The following AHRR variants were observed in gnomAD, a reference collection of about 807,000 sequenced individuals.
The protein encoded by AHRR is ahR repressor.
AHRR carries 28 observed loss-of-function variants against 44.0 expected under a neutral mutation model. The ratio of observed to expected loss-of-function variants is 0.64; its 90% confidence interval spans 0.47 to 0.87. The LOEUF (loss-of-function observed/expected upper bound fraction) is 0.87. AHRR is among the 40% of genes least tolerant of loss of function. The probability of loss-of-function intolerance (pLI) is 0.00; values close to 1 mark genes in which losing one functional copy is unlikely to be tolerated. For synonymous variants in AHRR, 434 were observed against 407.0 expected (o/e 1.07, Z -0.80); for missense variants, 990 against 953.9 (o/e 1.04, Z -0.50).
chr5:433,788 C>T, intron 10 of AHRR, 65 bp from the exon 11 acceptor site: 1 of 1,425,286 alleles, frequency 7.0e-7, no homozygotes, highest in South Asian at 1.6e-5. Context: ...TAGAGACCCC[C>T]ACCCAGGGCA....
intron 3 of AHRR, among the ~76,000 whole-genome samples, chr5:368,728 C>T (rs1251895116): frequency 1.3e-5 from 2 of 152,230 alleles, no homozygotes; most frequent in Non-Finnish European, 1.5e-5. Flanking sequence ...CTGAGGCCCC[C>T]GGGTTCTGTG....
At chr5:425,270 C>T (rs1267826366) in intron 7 of AHRR, among the ~76,000 whole-genome samples, 1 of 152,244 alleles carries the variant, frequency 6.6e-6, no homozygotes, top group African/African-American at 2.4e-5. Context: ...CACGCACACG[C>T]CCCAGGGCAC....
At chr5:382,577 A>ATT (rs139013876) in intron 4 of AHRR, among the ~76,000 whole-genome samples, 3 of 150,584 alleles carry the variant, frequency 2.0e-5, no homozygotes, top group Non-Finnish European at 4.4e-5. Context: ...AATTTTACTG[A>ATT]TTTTTTTTCA....
intron 8 of AHRR, 67 bp downstream of exon 8, chr5:428,073 C>T: frequency 1.3e-6 from 2 of 1,494,966 alleles, no homozygotes; most frequent in Non-Finnish European, 1.8e-6. Context: ...CACCTCCACA[C>T]TCAGTGTTTT....
chr5:432,282 T>G, intron 8 of AHRR, 181 bp from the exon 9 acceptor site: 1 of 606,282 alleles, frequency 1.6e-6, no homozygotes, highest in Non-Finnish European at 2.9e-6. Context: ...AACCTGTAAC[T>G]GAGAAAATAA....
chr5:399,035 T>C (rs781588353), intron 4 of AHRR, among the ~76,000 whole-genome samples: 3 of 152,222 alleles, frequency 2.0e-5, no homozygotes, highest in Non-Finnish European at 2.9e-5. Flanking sequence ...TTCCCTGCCA[T>C]TGGTTTCCTA....
At position 434,214 on chromosome 5, in the gene AHRR, C is replaced by T; in HGVS notation, c.1474C>T (p.Leu492Phe). Residue 492 changes from leucine (L) to phenylalanine (F), a missense_variant, in exon 11 of 11, where the codon CTC (leucine) becomes TTC (phenylalanine). By Grantham distance (22) the Leu-to-Phe change is conservative. Transcript: ENST00000684583. ...HFPQRSLQHQ[L>F]PQPGAQRFAT... Reference sequence around the variant, plus strand: ...TCCCCAGAGGAGCCTGCAGCACCAGCTCCCTCAGCCTGGAGCTCAGCGTTT... The same window carrying T: ...TCCCCAGAGGAGCCTGCAGCACCAGTTCCCTCAGCCTGGAGCTCAGCGTTT... 6.3e-7 allele frequency: 1 copy of T among 1,588,910 alleles called. No individual in the cohort carries two copies. Among genetic ancestry groups the T allele is most frequent in the Non-Finnish European group, 8.6e-7 (1 of 1,167,678 alleles).
At position 434,351 on chromosome 5, in the gene AHRR, G is replaced by C. The variant is rs760367504; in HGVS notation, c.1611G>C (p.Lys537Asn). 16 of 1,613,158 alleles carry C rather than the reference G, an allele frequency of 9.9e-6. No individual in the cohort carries two copies. In the South Asian group the frequency reaches 1.8e-4, roughly 18 times the overall value. The change falls in exon 11 of 11, where the codon AAG becomes AAC. Residue 537 changes from lysine to asparagine, a missense_variant. Transcript: ENST00000684583. ...TAGATGTGTCCATCAAGATGGAGAA[G>C]GACTCTGGGTGTGAGGGTGCTGCAG... ...LLLDVSIKMEKDSGCEGAADG... is the reference protein window; with the variant it reads ...LLLDVSIKMENDSGCEGAADG...
chr5:433,978 G>T lies in AHRR; in HGVS notation c.1238G>T (p.Arg413Met). 8 of 1,569,060 alleles carry T rather than the reference G, an allele frequency of 5.1e-6. No homozygotes were observed. Among genetic ancestry groups the T allele is most frequent in the Non-Finnish European group, 6.9e-6 (8 of 1,157,558 alleles). Reference protein sequence around the residue: ...TAGKHSEDGARPRLQPSKNDP... With the variant: ...TAGKHSEDGAMPRLQPSKNDP... ...GGAAAGCACAGTGAGGATGGTGCCA[G>T]GCCGAGGCTGCAGCCCAGCAAGAAT... The change falls in exon 11 of 11, where the codon AGG becomes ATG. Residue 413 changes from arginine (R) to methionine (M), a missense_variant. Coordinates refer to ENST00000684583, the MANE Select transcript of AHRR (RefSeq NM_001377236.1).
Position 356,366 on chromosome 5 carries a change from C to T in AHRR, c.244+2455C>T, listed in dbSNP as rs540773645. Among the ~76,000 whole-genome samples the T allele has an allele frequency of 9.8e-5, 15 of 152,338 alleles. No individual in the cohort carries two copies. In the South Asian group the frequency reaches 1.7e-3, roughly 17 times the overall value. On this transcript the variant is annotated intron_variant, in intron 3 of 10. Transcript: ENST00000684583. ...CTGACCAGGAAGGGTCCAGAAGCCCCGGCTCTGTTGCTGAAGCCCAGTTGT... is the reference window on the plus strand; with the variant it reads ...CTGACCAGGAAGGGTCCAGAAGCCCTGGCTCTGTTGCTGAAGCCCAGTTGT...
intron 4 of AHRR, among the ~76,000 whole-genome samples, chr5:412,072 A>G (rs1735489453): frequency 6.6e-6 from 1 of 152,132 alleles, no homozygotes; most frequent in Non-Finnish European, 1.5e-5. Flanking sequence ...AATAAAGGAA[A>G]ACGCCACATC....
intron 5 of AHRR, among the ~76,000 whole-genome samples, chr5:417,731 T>TAAA (rs57776750): frequency 6.7e-6 from 1 of 149,422 alleles, no homozygotes; most frequent in African/African-American, 2.5e-5. Flanking sequence ...CATGAGAAGT[T>TAAA]AAAAAAAAAA....
intron 1 of AHRR, among the ~76,000 whole-genome samples, chr5:339,667 T>C (rs1742264406): frequency 6.6e-6 from 1 of 152,216 alleles, no homozygotes; most frequent in Non-Finnish European, 1.5e-5. Context: ...ATGTTAGCTA[T>C]AGGCTTTTGT....
At chr5:346,564 G>T (rs1212098384) in intron 2 of AHRR, among the ~76,000 whole-genome samples, 1 of 152,178 alleles carries the variant, frequency 6.6e-6, no homozygotes, top group East Asian at 1.9e-4. Flanking sequence ...AAGTGCACAG[G>T]CTCAGGAGCA....
intron 3 of AHRR, among the ~76,000 whole-genome samples, chr5:360,616 G>A (rs911448802): frequency 6.6e-6 from 1 of 152,192 alleles, no homozygotes; most frequent in African/African-American, 2.4e-5. Context: ...TGGTCGTAGA[G>A]AACACACGTA....
intron 2 of AHRR, among the ~76,000 whole-genome samples, chr5:345,635 G>A (rs1461093946): frequency 5.9e-5 from 9 of 151,680 alleles, no homozygotes; most frequent in Non-Finnish European, 1.0e-4. Context: ...GATGTCCCCC[G>A]CTGCAGGGGC....
intron 4 of AHRR, among the ~76,000 whole-genome samples, chr5:402,589 G>A (rs1239545314): frequency 6.6e-6 from 1 of 151,578 alleles, no homozygotes; most frequent in Non-Finnish European, 1.5e-5. Context: ...TAGTGTAGAT[G>A]TGTTGGAAGG....
intron 1 of AHRR, among the ~76,000 whole-genome samples, chr5:323,782 G>A (rs1741592175): frequency 6.6e-6 from 1 of 152,156 alleles, no homozygotes; most frequent in Admixed American, 6.5e-5. Context: ...TGGTTAATAC[G>A]ACACAGAAGC....
intron 3 of AHRR, among the ~76,000 whole-genome samples, chr5:376,297 G>A (rs1243294051): frequency 1.3e-5 from 2 of 152,190 alleles, no homozygotes; most frequent in African/African-American, 4.8e-5. Flanking sequence ...TTGGGCAGGA[G>A]GGGACAGAGA....
Sources: gnomAD v4.1 joint callset for allele counts (sites outside exome capture counted in the v4.1 genomes callset) on GRCh38, gnomAD v4.1.1 for gene constraint, MANE v1.5 for transcripts, NCBI Gene and HGNC (gene_info 2026-07-23, HGNC 2026-07-21) for gene names.